The following DOCK8 variants were observed in gnomAD, a reference collection of about 807,000 sequenced individuals.
DOCK8 encodes the protein dedicator of cytokinesis 8.
DOCK8 carries 141 observed loss-of-function variants against 245.6 expected under a neutral mutation model. The observed-to-expected ratio is 0.57, with a 90% CI of 0.50 to 0.66. The LOEUF (loss-of-function observed/expected upper bound fraction) is 0.66, where lower values mean the gene tolerates loss of function less well. Among genes scored for constraint, DOCK8 ranks in the 30% least tolerant of loss-of-function variants. The pLI is 0.00. For missense variants in DOCK8, 2,965 were observed against 2,603.4 expected (o/e 1.14, Z -3.02); for synonymous variants, 1,168 against 970.2 (o/e 1.20, Z -3.79).
chr9:360,701 T>G (rs2052687287), intron 14 of DOCK8, among the ~76,000 whole-genome samples: 1 of 152,222 alleles, frequency 6.6e-6, no homozygotes, highest in African/African-American at 2.4e-5. Context: ...GAATCTTAAG[T>G]TGTTCATAGA....
intron 30 of DOCK8, among the ~76,000 whole-genome samples, chr9:419,188 T>C (rs1291918848): frequency 6.6e-6 from 1 of 152,226 alleles, no homozygotes; most frequent in African/African-American, 2.4e-5. Context: ...TTTAACTTTC[T>C]TCTCCCGTGA....
At chr9:235,431 G>C (rs2131389193) in intron 1 of DOCK8, among the ~76,000 whole-genome samples, 1 of 152,338 alleles carries the variant, frequency 6.6e-6, no homozygotes, top group Non-Finnish European at 1.5e-5. Flanking sequence ...AGCTGTCAGA[G>C]AGGGACATTT....
intron 6 of DOCK8, 35 bp downstream of exon 6, chr9:312,201 GT>G (rs2050151996): frequency 1.2e-6 from 2 of 1,608,842 alleles, no homozygotes; most frequent in South Asian, 2.2e-5. Context: ...GAGAATCTCA[GT>G]GAAGACTCTG....
chr9:397,006 A>G, intron 25 of DOCK8, 72 bp downstream of exon 25: 2 of 1,467,600 alleles, frequency 1.4e-6, no homozygotes, highest in Non-Finnish European at 1.9e-6. Context: ...ATCAGAGAAA[A>G]ATAAGCATCA....
At chr9:451,860 T>G in intron 45 of DOCK8, 151 bp from the exon 46 acceptor site, 1 of 247,670 alleles carries the variant, frequency 4.0e-6, no homozygotes, top group Non-Finnish European at 7.0e-6. Flanking sequence ...TATATTCATA[T>G]ATATGTGTGT....
At position 443,449 on chromosome 9, in the gene DOCK8, G is replaced by T; in HGVS notation, c.5513G>T (p.Gly1838Val). ...RLEAFYGQCF[G>V]AEFVEVIKDS... ...TAGGCATTTTATGGTCAATGTTTTG[G>T]TGCAGAATTTGTGGAAGTGATTAAA... Residue 1838 changes from glycine (G) to valine (V), a missense_variant, in exon 43 of 48, where the codon GGT becomes GTT. Gly to Val is a moderately radical substitution (Grantham distance 109). Coordinates refer to ENST00000432829, the MANE Select transcript of DOCK8 (RefSeq NM_203447.4). 6.2e-7 allele frequency: 1 copy of T among 1,614,000 alleles called. No homozygotes were observed. The highest frequency in any genetic ancestry group is 8.5e-7 in the Non-Finnish European group (1 of 1,180,008).
chr9:316,179 G>T (rs1228303004), intron 6 of DOCK8, among the ~76,000 whole-genome samples: 1 of 152,196 alleles, frequency 6.6e-6, no homozygotes, highest in Non-Finnish European at 1.5e-5. Flanking sequence ...TCACTGGAAA[G>T]CTCCCAGGAA....
chr9:400,352 C>G lies in DOCK8; in HGVS notation c.3234+1093C>G, dbSNP rs939696656. On this transcript the variant is annotated intron_variant, in intron 26 of 47. Transcript: ENST00000432829. ...ACCACCACCTCCTCCACCACCACCA[C>G]CTCCTCCACCATCACCACCTCCTTC... 1.2e-4 allele frequency among the ~76,000 whole-genome samples: 7 copies of G among 59,178 alleles called. 1 individual carries two copies. The highest frequency in any genetic ancestry group is 1.8e-4 in the Admixed American group (1 of 5,576). 38.8% of individuals were successfully genotyped at this position (59,178 alleles called of 152,430 possible).
At chr9:365,618 T>A (rs532377575) in intron 14 of DOCK8, 39 of 456,212 alleles carry the variant, frequency 8.5e-5, no homozygotes, top group South Asian at 6.0e-4. Flanking sequence ...CAGCTGTTGC[T>A]CATTAATGCT....
At chr9:399,880 C>T (rs1019916763) in intron 26 of DOCK8, among the ~76,000 whole-genome samples, 11 of 151,910 alleles carry the variant, frequency 7.2e-5, no homozygotes, top group Admixed American at 1.3e-4. Flanking sequence ...CCTTCCATAT[C>T]CCTAATCTAG....
At chr9:430,415 C>T (rs1163500701) in intron 36 of DOCK8, among the ~76,000 whole-genome samples, 2 of 151,934 alleles carry the variant, frequency 1.3e-5, no homozygotes, top group African/African-American at 4.8e-5. Flanking sequence ...GGTGCAGTGG[C>T]TCATGTCTGT....
rs768604132 is a variant in DOCK8, at chr9:441,972, C to A, written c.5453C>A (p.Ala1818Glu). The A allele has an allele frequency of 6.2e-7, 1 of 1,613,916 alleles. No individual in the cohort carries two copies. Among genetic ancestry groups the A allele is most frequent in the South Asian group, 1.1e-5 (1 of 91,082 alleles). Residue 1818 changes from alanine to glutamate, a missense_variant, in exon 42 of 48, where the codon GCA (alanine) becomes GAA (glutamate). Transcript: ENST00000432829. ...CAGGAGTTTGTCTACAAAGAGCCTGCAATTACCAAGCTTCCTGAGATCTCA... is the reference window on the plus strand; with the variant it reads ...CAGGAGTTTGTCTACAAAGAGCCTGAAATTACCAAGCTTCCTGAGATCTCA... ...DEQEFVYKEPAITKLPEISHR... is the reference protein window; with the variant it reads ...DEQEFVYKEPEITKLPEISHR...
At chr9:400,919 A>G (rs1158882186) in intron 26 of DOCK8, among the ~76,000 whole-genome samples, 1 of 120,306 alleles carries the variant, frequency 8.3e-6, no homozygotes, top group Non-Finnish European at 1.7e-5. Context: ...CAGCTCCTTC[A>G]CCATCACCAC....
intron 7 of DOCK8, among the ~76,000 whole-genome samples, chr9:324,635 C>T (rs1464509864): frequency 6.6e-6 from 1 of 152,144 alleles, no homozygotes; most frequent in Non-Finnish European, 1.5e-5. Flanking sequence ...TGTGCTCAAG[C>T]CCCTCCCTGA....
intron 21 of DOCK8, chr9:381,238 C>G (rs1047655678): frequency 5.9e-5 from 9 of 152,202 alleles, no homozygotes; most frequent in African/African-American, 2.2e-4. Flanking sequence ...TTTTTATGCT[C>G]TAAACACTTA....
chr9:407,194 A>G (rs2055472442), intron 28 of DOCK8, 125 bp downstream of exon 28: 2 of 1,415,632 alleles, frequency 1.4e-6, no homozygotes, highest in African/African-American at 2.8e-5. Flanking sequence ...TCTGAGGAGT[A>G]GAAACATCTG....
chr9:292,130 G>A (rs1351578535), intron 4 of DOCK8, among the ~76,000 whole-genome samples: 1 of 147,608 alleles, frequency 6.8e-6, no homozygotes, highest in Non-Finnish European at 1.5e-5. Flanking sequence ...CAGCACTTTG[G>A]GAGGCCAAGA....
At chr9:401,013 CCATGACCACCTCCTT>C (rs2055058735) in intron 26 of DOCK8, among the ~76,000 whole-genome samples, 2 of 138,798 alleles carry the variant, frequency 1.4e-5, no homozygotes, top group Non-Finnish European at 3.3e-5. Context: ...ATTAGCTCCA[CCATGACCACCTCCTT>C]CACCTCCACC....
intron 1 of DOCK8, among the ~76,000 whole-genome samples, chr9:248,495 C>T (rs2047564459): frequency 6.6e-6 from 1 of 151,792 alleles, no homozygotes; most frequent in Admixed American, 6.6e-5. Flanking sequence ...TCTCTTTCTT[C>T]CTTCCTTGCC....
Sources: gnomAD v4.1 joint callset for allele counts (sites outside exome capture counted in the v4.1 genomes callset) on GRCh38, gnomAD v4.1.1 for gene constraint, MANE v1.5 for transcripts, NCBI Gene and HGNC (gene_info 2026-07-23, HGNC 2026-07-21) for gene names.